RHBDD1: variants seen among roughly 807,000 people sequenced by gnomAD.
RHBDD1 encodes rhomboid-related protein 4.
RHBDD1 carries 38 observed loss-of-function variants against 36.3 expected under a neutral mutation model. The observed-to-expected ratio is 1.05, with a 90% confidence interval of 0.81 to 1.37. The LOEUF is 1.37. Among genes scored for constraint, RHBDD1 ranks in the 40% most tolerant of loss-of-function variants. The pLI is 0.00. For missense variants in RHBDD1, 393 were observed against 377.6 expected (o/e 1.04, Z -0.34); for synonymous variants, 151 against 136.5 (o/e 1.11, Z -0.74).
chr2:226,822,925 A>G, the RHBDD1 span, among the ~76,000 whole-genome samples: 26 of 152,036 alleles, frequency 1.7e-4, no homozygotes, highest in Non-Finnish European at 3.7e-4. Context: ...CAGGAGTTTG[A>G]GATCAGCCTC....
intron 8 of RHBDD1, among the ~76,000 whole-genome samples, chr2:226,918,487 G>T (rs1949078600): frequency 6.6e-6 from 1 of 151,500 alleles, no homozygotes; most frequent in South Asian, 2.1e-4. Flanking sequence ...CCAGCATCTG[G>T]TAACCGTCTT....
intron 5 of RHBDD1, among the ~76,000 whole-genome samples, chr2:226,900,669 T>C (rs890144392): frequency 2.6e-5 from 4 of 152,208 alleles, no homozygotes. Context: ...CAGTGAGATT[T>C]CCTGCTAAAA....
intron 8 of RHBDD1, among the ~76,000 whole-genome samples, chr2:226,945,319 G>A (rs974829341): frequency 1.3e-5 from 2 of 151,650 alleles, no homozygotes; most frequent in Non-Finnish European, 2.9e-5. Flanking sequence ...AGCCTCCCAC[G>A]CCCTGACAGG....
chr2:226,857,767 G>A (rs993524649), intron 3 of RHBDD1, among the ~76,000 whole-genome samples: 1 of 152,120 alleles, frequency 6.6e-6, no homozygotes, highest in African/African-American at 2.4e-5. Context: ...ATTAATTGTT[G>A]CCAGGCACTA....
intron 8 of RHBDD1, among the ~76,000 whole-genome samples, chr2:226,949,180 C>T (rs1226559182): frequency 2.6e-5 from 4 of 152,092 alleles, no homozygotes; most frequent in African/African-American, 7.2e-5. Flanking sequence ...GAATCAATAT[C>T]GTGAAAATGG....
chr2:226,807,561 G>A, the RHBDD1 span: 8 of 152,128 alleles, frequency 5.3e-5, no homozygotes, highest in Non-Finnish European at 1.2e-4. Flanking sequence ...TCCATGCAGA[G>A]GAAATGGCCA....
At chr2:226,812,879 A>G in the RHBDD1 span, among the ~76,000 whole-genome samples, 4 of 152,352 alleles carry the variant, frequency 2.6e-5, no homozygotes, top group African/African-American at 9.6e-5. Flanking sequence ...ATGTATACAT[A>G]AATATCACTT....
In RHBDD1 at chr2:226,995,650, T is replaced by G; in HGVS notation, c.*128T>G. ...GTACACCGGTATTGCTCCAGATCGC[T>G]CACATCACCTGGGACAGTCCCATGG... is the stretch of plus-strand genomic sequence containing the variant. On this transcript the variant is annotated 3_prime_UTR_variant, in exon 9 of 9. Transcript: ENST00000392062. 2 of 698,074 alleles carry G rather than the reference T, an allele frequency of 2.9e-6. No individual in the cohort carries two copies. Among genetic ancestry groups the G allele is most frequent in the Non-Finnish European group, 5.1e-6 (2 of 393,158 alleles). 43.2% of individuals were successfully genotyped at this position (698,074 alleles called of 1,614,324 possible). A position where few individuals can be genotyped will look rare whatever the true frequency, so the allele number is the denominator to read the frequency against.
At chr2:226,821,513 T>G in the RHBDD1 span, among the ~76,000 whole-genome samples, 2 of 151,886 alleles carry the variant, frequency 1.3e-5, no homozygotes, top group African/African-American at 4.8e-5. Context: ...TTGCTCTAAT[T>G]TTTTTATTTT....
At chr2:226,950,509 G>T (rs1217311071) in intron 8 of RHBDD1, among the ~76,000 whole-genome samples, 1 of 152,184 alleles carries the variant, frequency 6.6e-6, no homozygotes, top group Non-Finnish European at 1.5e-5. Flanking sequence ...ACATGGGAGT[G>T]CAGATATCTC....
chr2:226,848,985 C>G (rs1273371343), intron 3 of RHBDD1, among the ~76,000 whole-genome samples: 2 of 152,132 alleles, frequency 1.3e-5, no homozygotes, highest in Non-Finnish European at 2.9e-5. Flanking sequence ...TTTAGAATAA[C>G]TATCAATCAG....
At chr2:226,859,073 T>G (rs1487436677) in intron 3 of RHBDD1, among the ~76,000 whole-genome samples, 1 of 152,228 alleles carries the variant, frequency 6.6e-6, no homozygotes, top group Non-Finnish European at 1.5e-5. Flanking sequence ...GAAAAATACT[T>G]AAAGATGAAT....
intron 1 of RHBDD1, chr2:226,836,307 C>T (rs1217198892): frequency 6.6e-6 from 1 of 152,394 alleles, no homozygotes. Context: ...CCTGGGGTAA[C>T]TCCACCTGGG....
intron 8 of RHBDD1, among the ~76,000 whole-genome samples, chr2:226,947,163 A>G (rs891327751): frequency 6.6e-6 from 1 of 151,630 alleles, no homozygotes; most frequent in Non-Finnish European, 1.5e-5. Context: ...TGTTTTGGAC[A>G]TGAAGTCCTT....
At chr2:226,908,131 T>C (rs1409562583) in intron 6 of RHBDD1, 2 of 152,156 alleles carry the variant, frequency 1.3e-5, no homozygotes, top group African/African-American at 2.4e-5. Flanking sequence ...TTCAAAGTAA[T>C]AAATACAATA....
chr2:226,889,772 C>T (rs1220656810), intron 5 of RHBDD1, among the ~76,000 whole-genome samples: 1 of 152,188 alleles, frequency 6.6e-6, no homozygotes, highest in Non-Finnish European at 1.5e-5. Flanking sequence ...GTATATCCAT[C>T]AGGGATGAAG....
At chr2:226,975,098 G>A (rs1954324735) in intron 8 of RHBDD1, among the ~76,000 whole-genome samples, 1 of 152,172 alleles carries the variant, frequency 6.6e-6, no homozygotes, top group South Asian at 2.1e-4. Flanking sequence ...TTAGTTGGCA[G>A]TTCCATTTCT....
rs138829820 is a variant in RHBDD1, at chr2:226,961,352, C to T, written c.857-34079C>T. On this transcript the variant is annotated intron_variant, in intron 8 of 8. Coordinates refer to ENST00000392062, the MANE Select transcript of RHBDD1 (RefSeq NM_001167608.3). ...CACTGGGTCTGTTTCCTTTTCTTAC[C>T]TCTTTCTCTTTCTCCTCTTCCACAT... Among the ~76,000 whole-genome samples, 18 of 152,282 alleles carry T rather than the reference C, an allele frequency of 1.2e-4. No individual in the cohort carries two copies. In the East Asian group the frequency reaches 3.3e-3, roughly 28 times the overall value.
At chr2:226,837,060 C>A (rs1375989905) in intron 1 of RHBDD1, among the ~76,000 whole-genome samples, 2 of 152,120 alleles carry the variant, frequency 1.3e-5, no homozygotes, top group Non-Finnish European at 2.9e-5. Context: ...CAGTTGATAC[C>A]AATGCACCTG....
Sources: gnomAD v4.1 joint callset for allele counts (sites outside exome capture counted in the v4.1 genomes callset) on GRCh38, gnomAD v4.1.1 for gene constraint, MANE v1.5 for transcripts, NCBI Gene and HGNC (gene_info 2026-07-23, HGNC 2026-07-21) for gene names.